Variants in ARHGEF10L observed in about 807,000 individuals in gnomAD.
The protein encoded by ARHGEF10L is rho guanine nucleotide exchange factor 10-like protein.
Under a neutral mutation model 141.2 loss-of-function variants are expected in ARHGEF10L, and 69 were observed. The observed-to-expected ratio is 0.49, with a 90% CI of 0.40 to 0.60. The LOEUF is 0.60. Among genes scored for constraint, ARHGEF10L ranks in the 20% least tolerant of loss-of-function variants. The probability of loss-of-function intolerance (pLI) is 0.00; values close to 1 mark genes in which losing one functional copy is unlikely to be tolerated. For missense variants in ARHGEF10L, 1,482 were observed against 1,734.3 expected, an observed-to-expected ratio of 0.85 and a Z score of 2.58; for synonymous variants, 711 against 718.5, an observed-to-expected ratio of 0.99 and a Z score of 0.17.
In ARHGEF10L at chr1:17,639,773, C is replaced by A; in HGVS notation, c.2172-429C>A. The A allele has an allele frequency of 1.9e-6, 2 of 1,072,570 alleles. No individual in the cohort carries two copies. The highest frequency in any genetic ancestry group is 1.3e-5 in the South Asian group (1 of 76,476). 66.4% of individuals were successfully genotyped at this position (1,072,570 alleles called of 1,614,324 possible). ...GTCCACTCAGCAAACATTTACTGAG[C>A]AACTGTCCCATGCCAGGTGCTGGGA... On this transcript the variant is annotated intron_variant, in intron 20 of 28. Coordinates refer to ENST00000361221, the MANE Select transcript of ARHGEF10L (RefSeq NM_018125.4). The surrounding 1 kb of genome is among the most constrained non-coding windows in gnomAD (Gnocchi z 4.3).
intron 8 of ARHGEF10L, among the ~76,000 whole-genome samples, chr1:17,614,344 A>G (rs559062099): frequency 3.3e-5 from 5 of 152,234 alleles, no homozygotes; most frequent in Admixed American, 6.5e-5. Flanking sequence ...AGAGAAGGGC[A>G]GAGTCTAAGA....
At chr1:17,646,904 C>T (rs1181512548) in intron 21 of ARHGEF10L, among the ~76,000 whole-genome samples, 8 of 151,904 alleles carry the variant, frequency 5.3e-5, no homozygotes, top group Non-Finnish European at 1.0e-4. Flanking sequence ...GAGTTTGGAT[C>T]TTATTCTGGG....
At position 17,639,272 on chromosome 1, in the gene ARHGEF10L, C is replaced by G. The variant is rs2061192607; in HGVS notation, c.2171+583C>G. ...GTGAGGCTCAGAGTTTCAGGAGAGG[C>G]TGAAGGCCACATCGTGAGAGACAGA... is the stretch of plus-strand genomic sequence containing the variant. On this transcript the variant is annotated intron_variant, in intron 20 of 28. Transcript: ENST00000361221. This position sits in a 1 kb window ranked among gnomAD's most constrained non-coding sequence, Gnocchi z 4.3. Among the ~76,000 whole-genome samples the G allele has an allele frequency of 6.6e-6, 1 of 152,212 alleles. No homozygotes were observed. Among genetic ancestry groups the G allele is most frequent in the Non-Finnish European group, 1.5e-5 (1 of 68,048 alleles).
chr1:17,648,746 A>G, intron 22 of ARHGEF10L, 71 bp downstream of exon 22: 2 of 1,573,612 alleles, frequency 1.3e-6, no homozygotes, highest in Non-Finnish European at 1.7e-6. Flanking sequence ...GGAGAACCAG[A>G]GTTTCCAGGG....
At chr1:17,638,036 G>GC in intron 19 of ARHGEF10L, 33 bp downstream of exon 19, 1 of 1,544,672 alleles carries the variant, frequency 6.5e-7, no homozygotes, top group Non-Finnish European at 8.8e-7. Context: ...TTTGGCCTGA[G>GC]CTCCCCAGTG....
At chr1:17,683,299 C>T (rs1481137451) in intron 26 of ARHGEF10L, among the ~76,000 whole-genome samples, 7 of 109,844 alleles carry the variant, frequency 6.4e-5, no homozygotes, top group Admixed American at 1.7e-4. Context: ...GCTCACTGCC[C>T]CCTGCTCTCA....
rs549404306 is a variant in ARHGEF10L, at chr1:17,655,945, C to T, written c.2548C>T (p.Arg850Cys). The change falls in exon 24 of 29, where the codon CGC (arginine) becomes TGC (cysteine). Residue 850 changes from arginine (R) to cysteine (C), a missense_variant. Arg to Cys is a radical substitution (Grantham distance 180). This residue lies in a region of ARHGEF10L where 858 missense variants were observed against 966.3 expected (regional missense o/e 0.89). Transcript: ENST00000361221. ...CTTTTCCTTGAACCGGCCCTCGCCC[C>T]GCACCGTCAAGTCCTTCCCACTGGC... ...EIFSLNRPSP[R>C]TVKSFPLAAP... 15 of 1,560,242 alleles carry T rather than the reference C, an allele frequency of 9.6e-6. No individual in the cohort carries two copies. Among genetic ancestry groups the T allele is most frequent in the East Asian group, 4.8e-5 (2 of 42,014 alleles).
intron 2 of ARHGEF10L, 76 bp downstream of exon 2, chr1:17,580,708 C>G (rs1387830325): frequency 1.3e-6 from 2 of 1,580,266 alleles, no homozygotes; most frequent in Non-Finnish European, 1.7e-6. Flanking sequence ...GAGGGCCTTG[C>G]TCTGGAGCAG....
chr1:17,663,863 C>T (rs2062799497), intron 25 of ARHGEF10L, among the ~76,000 whole-genome samples: 2 of 152,220 alleles, frequency 1.3e-5, no homozygotes, highest in Non-Finnish European at 2.9e-5. Flanking sequence ...TCTCCCGATT[C>T]CGGGTCCAGG....
chr1:17,670,974 C>T (rs1008026323), intron 26 of ARHGEF10L, among the ~76,000 whole-genome samples: 3 of 152,250 alleles, frequency 2.0e-5, no homozygotes, highest in Non-Finnish European at 4.4e-5. Context: ...GCCGAGTCAT[C>T]CCTACCCCTT....
chr1:17,569,564 C>G lies in ARHGEF10L; in HGVS notation c.-43-10989C>G, dbSNP rs949876536. ...CCTCGTGGGACAGAGTGAACAGGCC[C>G]CTCCCTGCCAGACAGAGATTGGGCC... is the stretch of plus-strand genomic sequence containing the variant. On this transcript the variant is annotated intron_variant, in intron 1 of 28. Transcript: ENST00000361221. Among the ~76,000 whole-genome samples, 3 of 152,180 alleles carry G rather than the reference C, an allele frequency of 2.0e-5. No homozygotes were observed. In the East Asian group the frequency reaches 5.8e-4, roughly 29 times the overall value.
At chr1:17,550,853 AG>A (rs2077086667) in intron 1 of ARHGEF10L, among the ~76,000 whole-genome samples, 1 of 152,078 alleles carries the variant, frequency 6.6e-6, no homozygotes, top group African/African-American at 2.4e-5. Flanking sequence ...AGGAGGAGCC[AG>A]GGCAGGCAGC....
chr1:17,654,597 T>G lies in ARHGEF10L; in HGVS notation c.2395-39T>G. 6.3e-7 allele frequency: 1 copy of G among 1,583,832 alleles called. No individual in the cohort carries two copies. ...GCCAAATATTGGCATCTGGGCACCT[T>G]GATGATTAACCTCACATGTACCGTC... is the stretch of plus-strand genomic sequence containing the variant. On this transcript the variant is annotated intron_variant, in intron 22 of 28. Coordinates refer to ENST00000361221, the MANE Select transcript of ARHGEF10L (RefSeq NM_018125.4). This position sits in a 1 kb window ranked among gnomAD's most constrained non-coding sequence, Gnocchi z 4.3.
intron 28 of ARHGEF10L, among the ~76,000 whole-genome samples, 199 bp from the exon 29 acceptor site, chr1:17,696,649 T>C (rs1052235226): frequency 1.1e-4 from 17 of 152,144 alleles, no homozygotes; most frequent in African/African-American, 4.1e-4. Flanking sequence ...TATAAGGTGG[T>C]TTCTGTTCCA....
chr1:17,528,276 A>G, the ARHGEF10L span, among the ~76,000 whole-genome samples: 2 of 152,038 alleles, frequency 1.3e-5, no homozygotes, highest in South Asian at 2.1e-4. Context: ...AGGCTGGAGT[A>G]CAGTGGCATG....
At chr1:17,543,203 G>A (rs2076793817) in intron 1 of ARHGEF10L, among the ~76,000 whole-genome samples, 1 of 152,200 alleles carries the variant, frequency 6.6e-6, no homozygotes, top group Non-Finnish European at 1.5e-5. Flanking sequence ...GCAGTGGTGA[G>A]TTGGGAGCCA....
intron 1 of ARHGEF10L, among the ~76,000 whole-genome samples, chr1:17,557,364 A>AC (rs751189178): frequency 4.4e-4 from 67 of 151,796 alleles, no homozygotes; most frequent in East Asian, 3.9e-3. Flanking sequence ...AACAAAAAAA[A>AC]CCAAAAAAAA....
intron 1 of ARHGEF10L, among the ~76,000 whole-genome samples, chr1:17,545,250 T>G (rs1171474332): frequency 6.6e-6 from 1 of 152,140 alleles, no homozygotes; most frequent in Non-Finnish European, 1.5e-5. Context: ...CAGAATCTTT[T>G]CCCCTGAAGA....
At chr1:17,645,178 C>T (rs567102710) in intron 21 of ARHGEF10L, among the ~76,000 whole-genome samples, 13 of 152,216 alleles carry the variant, frequency 8.5e-5, no homozygotes, top group East Asian at 1.9e-4. Context: ...GTTCTGCAGT[C>T]GGTGCCAGTT....
Sources: allele counts gnomAD v4.1 joint callset (sites outside exome capture counted in the v4.1 genomes callset), GRCh38; gene constraint gnomAD v4.1.1; regional missense constraint gnomAD v4.1.1; non-coding constraint Gnocchi (gnomAD v3.1); transcripts MANE v1.5; gene names NCBI Gene and HGNC (gene_info 2026-07-23, HGNC 2026-07-21).